The following PTPRD variants were observed in gnomAD, a reference collection of about 807,000 sequenced individuals.
The protein encoded by PTPRD is protein tyrosine phosphatase receptor type D, also known as receptor-type tyrosine-protein phosphatase delta.
In PTPRD, 34 loss-of-function variants were observed where a neutral mutation model predicts 214.5. That is an observed-to-expected ratio of 0.16 (90% confidence interval 0.12 to 0.21). The LOEUF (loss-of-function observed/expected upper bound fraction) is 0.21, where lower values mean the gene tolerates loss of function less well. Ranked by LOEUF, PTPRD falls within the 10% of genes least tolerant of loss-of-function variation. The pLI, the probability that PTPRD is intolerant of heterozygous loss-of-function variation, is 1.00. For missense variants in PTPRD, 2,545 were observed against 2,398.7 expected (o/e 1.06, Z -1.27); for synonymous variants, 1,128 against 845.7 (o/e 1.33, Z -5.79).
At chr9:8,703,928 A>G (rs1285738610) in intron 12 of PTPRD, among the ~76,000 whole-genome samples, 1 of 152,208 alleles carries the variant, frequency 6.6e-6, no homozygotes, top group Non-Finnish European at 1.5e-5. Flanking sequence ...AGTGTTTCTT[A>G]TCAATAAATA....
intron 11 of PTPRD, among the ~76,000 whole-genome samples, chr9:8,800,691 G>A (rs765302883): frequency 6.6e-6 from 1 of 152,184 alleles, no homozygotes; most frequent in Non-Finnish European, 1.5e-5. Flanking sequence ...CCTCGGGGCT[G>A]CTCTGTCTAT....
rs115136724 is a variant in PTPRD, at chr9:8,644,241, G to A, written c.65-7397C>T. Among the ~76,000 whole-genome samples, 767 of 151,680 alleles carry A rather than the reference G, an allele frequency of 5.1e-3. 12 individuals are homozygous for A. The highest frequency in any genetic ancestry group is 0.018 in the African/African-American group (738 of 41,246). On this transcript the variant is annotated intron_variant, in intron 12 of 45. Coordinates refer to ENST00000381196, the MANE Select transcript of PTPRD (RefSeq NM_002839.4). ...CTCTCTGCTGGGAGGTGAACACTCC[G>A]GACGACCTGCCTAACAGAGAGGAGC...
chr9:10,463,565 A>G (rs1280905134), intron 2 of PTPRD, among the ~76,000 whole-genome samples: 1 of 152,214 alleles, frequency 6.6e-6, no homozygotes, highest in Non-Finnish European at 1.5e-5. Context: ...TTGAATTCAC[A>G]ATGACCTCAG....
chr9:8,716,293 A>G (rs2098435590), intron 12 of PTPRD, among the ~76,000 whole-genome samples: 1 of 152,244 alleles, frequency 6.6e-6, no homozygotes, highest in Admixed American at 6.5e-5. Context: ...ATAATTCATC[A>G]TCCCAAATTC....
At chr9:8,323,533 T>G (rs1830535850) in intron 44 of PTPRD, among the ~76,000 whole-genome samples, 1 of 152,156 alleles carries the variant, frequency 6.6e-6, no homozygotes. Flanking sequence ...TTGGAAGAAG[T>G]TGATTCCAAT....
Position 10,208,907 on chromosome 9 carries a change from C to G in PTPRD, c.-545+132056G>C, listed in dbSNP as rs1037456385. On this transcript the variant is annotated intron_variant, in intron 3 of 45. Transcript: ENST00000381196. ...TTAGACAGCTTTTATCCTACCGGAC[C>G]ATTTATTCATTACGTAACAGACACC... 5.9e-5 allele frequency among the ~76,000 whole-genome samples: 9 copies of G among 152,138 alleles called. No individual in the cohort carries two copies. The East Asian group carries it at 1.7e-3, about 29-fold the overall frequency.
intron 2 of PTPRD, among the ~76,000 whole-genome samples, chr9:10,488,521 G>A (rs2099148051): frequency 6.6e-6 from 1 of 152,170 alleles, no homozygotes; most frequent in South Asian, 2.1e-4. Flanking sequence ...ATGTCAGGCA[G>A]GCCTGTGTCC....
chr9:8,924,178 G>A lies in PTPRD; in HGVS notation c.-104+94519C>T, dbSNP rs185002569. On this transcript the variant is annotated intron_variant, in intron 11 of 45. Transcript: ENST00000381196. ...CCTATGATTCAGTGCTTCTGAGAAAGGGAGTTTAAATAAGTCTACAGTACT... is the reference window on the plus strand; with the variant it reads ...CCTATGATTCAGTGCTTCTGAGAAAAGGAGTTTAAATAAGTCTACAGTACT... Among the ~76,000 whole-genome samples, 1,139 of 152,212 alleles carry A rather than the reference G, an allele frequency of 7.5e-3. 8 individuals are homozygous for A. The highest frequency in any genetic ancestry group is 0.013 in the Non-Finnish European group (872 of 68,022).
intron 10 of PTPRD, among the ~76,000 whole-genome samples, chr9:9,138,142 CT>C (rs199582208): frequency 1.9e-4 from 29 of 149,784 alleles, no homozygotes; most frequent in African/African-American, 5.1e-4. Flanking sequence ...GCAAAGAAAT[CT>C]TTTTTTTTTC....
intron 9 of PTPRD, among the ~76,000 whole-genome samples, chr9:9,368,918 C>G (rs2139589895): frequency 1.3e-5 from 2 of 152,020 alleles, no homozygotes; most frequent in Admixed American, 1.3e-4. Flanking sequence ...CCACTCCCCA[C>G]ACCCCACAAC....
chr9:8,558,116 G>C (rs753779340), intron 14 of PTPRD, among the ~76,000 whole-genome samples: 25 of 152,110 alleles, frequency 1.6e-4, no homozygotes, highest in Non-Finnish European at 3.4e-4. Flanking sequence ...AAAAATGAGA[G>C]GTACAGAGAG....
At chr9:9,948,409 T>C (rs1308668180) in intron 4 of PTPRD, among the ~76,000 whole-genome samples, 3 of 152,192 alleles carry the variant, frequency 2.0e-5, no homozygotes, top group South Asian at 2.1e-4. Flanking sequence ...CCATTCCCAA[T>C]ATCAAACAAC....
chr9:9,397,152 TA>T (rs1176965508), intron 9 of PTPRD, among the ~76,000 whole-genome samples: 1 of 152,022 alleles, frequency 6.6e-6, no homozygotes, highest in Non-Finnish European at 1.5e-5. Context: ...TTGTAACTAC[TA>T]AAAGAGTAAC....
At chr9:10,019,414 A>G (rs1381302950) in intron 4 of PTPRD, among the ~76,000 whole-genome samples, 1 of 152,170 alleles carries the variant, frequency 6.6e-6, no homozygotes, top group African/African-American at 2.4e-5. Flanking sequence ...TGACCCAGCC[A>G]TCCCATTACT....
chr9:10,167,967 T>C (rs1271823205), intron 3 of PTPRD, among the ~76,000 whole-genome samples: 2 of 152,206 alleles, frequency 1.3e-5, no homozygotes, highest in African/African-American at 4.8e-5. Flanking sequence ...AGTTTCAATC[T>C]GAACTGTATG....
intron 8 of PTPRD, among the ~76,000 whole-genome samples, chr9:9,465,172 T>A (rs2094030485): frequency 6.6e-6 from 1 of 152,196 alleles, no homozygotes; most frequent in Admixed American, 6.5e-5. Context: ...TATAGTTTAA[T>A]AAGCTGTAGA....
At chr9:8,767,503 G>A (rs1166542514) in intron 11 of PTPRD, among the ~76,000 whole-genome samples, 1 of 152,090 alleles carries the variant, frequency 6.6e-6, no homozygotes, top group Admixed American at 6.5e-5. Flanking sequence ...ATGTACATTT[G>A]TTGCAGCATT....
intron 2 of PTPRD, among the ~76,000 whole-genome samples, chr9:10,479,174 C>T (rs948128533): frequency 1.3e-5 from 2 of 152,008 alleles, no homozygotes; most frequent in Admixed American, 6.6e-5. Flanking sequence ...TCTCAGAATG[C>T]TAAGAAATAA....
At chr9:10,423,673 C>T (rs1294832171) in intron 2 of PTPRD, among the ~76,000 whole-genome samples, 2 of 151,872 alleles carry the variant, frequency 1.3e-5, no homozygotes, top group Non-Finnish European at 2.9e-5. Flanking sequence ...CCTGTTAATG[C>T]AGAGACATAG....
Sources: gnomAD v4.1 joint callset for allele counts (sites outside exome capture counted in the v4.1 genomes callset) on GRCh38, gnomAD v4.1.1 for gene constraint, MANE v1.5 for transcripts, NCBI Gene and HGNC (gene_info 2026-07-23, HGNC 2026-07-21) for gene names.